The following RMDN2 variants were observed in gnomAD, a reference collection of about 807,000 sequenced individuals.
RMDN2 encodes regulator of microtubule dynamics 2.
A neutral mutation model predicts 52.8 loss-of-function variants in RMDN2; 61 were observed. The observed-to-expected ratio is 1.16, with a 90% confidence interval of 0.94 to 1.43. The LOEUF is 1.43. RMDN2 is among the 40% of genes most tolerant of loss of function. The pLI is 0.00. For synonymous variants in RMDN2, 180 were observed against 153.1 expected (o/e 1.18, Z -1.30); for missense variants, 592 against 475.3 (o/e 1.25, Z -2.28).
At position 37,950,633 on chromosome 2, in the gene RMDN2, A is replaced by G. The variant is rs201075329; in HGVS notation, c.452+20904A>G. ...AAAAAACTTCAACATGTGCTAAAAGAACATTGAAAATATTCATAAACGAAG... is the reference window on the plus strand; with the variant it reads ...AAAAAACTTCAACATGTGCTAAAAGGACATTGAAAATATTCATAAACGAAG... On this transcript the variant is annotated intron_variant, in intron 2 of 10. Transcript: ENST00000354545. 1.3e-4 allele frequency: 215 copies of G among 1,602,490 alleles called. No individual in the cohort carries two copies. The African/African-American group carries it at 2.6e-3, about 19-fold the overall frequency.
intron 4 of RMDN2, among the ~76,000 whole-genome samples, chr2:37,980,975 C>T (rs546488929): frequency 3.2e-4 from 48 of 152,156 alleles, no homozygotes; most frequent in Non-Finnish European, 5.6e-4. Context: ...ATTTCTATTA[C>T]GCTTTGTAAG....
At chr2:38,059,349 A>C (rs529120977) in intron 10 of RMDN2, among the ~76,000 whole-genome samples, 1 of 152,230 alleles carries the variant, frequency 6.6e-6, no homozygotes, top group African/African-American at 2.4e-5. Flanking sequence ...GGCAGTGATC[A>C]TACCATCAGA....
chr2:37,942,511 C>G (rs570752804), intron 2 of RMDN2, among the ~76,000 whole-genome samples: 76 of 152,240 alleles, frequency 5.0e-4, no homozygotes, highest in African/African-American at 1.8e-3. Context: ...CTAAATTATT[C>G]CTTAAAGTGT....
chr2:37,991,923 A>G (rs1407761034), intron 7 of RMDN2, among the ~76,000 whole-genome samples: 5 of 152,378 alleles, frequency 3.3e-5, no homozygotes, highest in African/African-American at 1.2e-4. Flanking sequence ...TCTTAAGAAT[A>G]TGTGAAAAAA....
Position 37,981,344 on chromosome 2 carries a change from G to A in RMDN2, c.791+1G>A, listed in dbSNP as rs759052924. ...CCATGAATGGACATTGTCATCTGTG[G>A]TAAGTGTATAGGATTTATGCAGTCT... On this transcript the variant is annotated splice_donor_variant, in intron 5 of 10. Transcript: ENST00000354545. LOFTEE classifies it high-confidence loss of function. 1.6e-5 allele frequency: 25 copies of A among 1,594,830 alleles called. No homozygotes were observed. The South Asian group carries it at 2.4e-4, about 15-fold the overall frequency.
chr2:37,993,899 A>G (rs1051464509), intron 7 of RMDN2, among the ~76,000 whole-genome samples: 1 of 152,212 alleles, frequency 6.6e-6, no homozygotes, highest in Non-Finnish European at 1.5e-5. Flanking sequence ...AAAGCCGTTT[A>G]CCCAACCTCA....
chr2:38,039,004 T>C (rs938838810), intron 10 of RMDN2, among the ~76,000 whole-genome samples: 3 of 147,070 alleles, frequency 2.0e-5, no homozygotes, highest in Non-Finnish European at 3.0e-5. Context: ...CAAGTGACAA[T>C]GAAAATAATA....
intron 2 of RMDN2, chr2:37,963,021 G>A (rs1407717995): frequency 6.5e-6 from 1 of 152,766 alleles, no homozygotes; most frequent in African/African-American, 2.4e-5. Flanking sequence ...CGCCCTATGT[G>A]GGCTGCACCC....
downstream of RMDN2, among the ~76,000 whole-genome samples, chr2:38,019,252 C>T (rs1553382018): frequency 1.3e-5 from 2 of 152,198 alleles, no homozygotes; most frequent in African/African-American, 2.4e-5. Context: ...CAGAGTGGTA[C>T]AAACACTTCC....
intron 2 of RMDN2, among the ~76,000 whole-genome samples, chr2:37,970,004 C>A (rs2125055927): frequency 6.6e-6 from 1 of 152,140 alleles, no homozygotes; most frequent in East Asian, 1.9e-4. Flanking sequence ...ACAATCATAG[C>A]TTACTGCAGC....
At chr2:37,942,347 C>G (rs1171110210) in intron 2 of RMDN2, among the ~76,000 whole-genome samples, 1 of 151,944 alleles carries the variant, frequency 6.6e-6, no homozygotes, top group Non-Finnish European at 1.5e-5. Context: ...TCTATTCGAC[C>G]ATCTTGCCTG....
At chr2:38,032,558 G>A (rs1036669496) in intron 10 of RMDN2, among the ~76,000 whole-genome samples, 1 of 152,162 alleles carries the variant, frequency 6.6e-6, no homozygotes, top group Non-Finnish European at 1.5e-5. Flanking sequence ...TTCACTTACA[G>A]GCTGGGCACA....
intron 2 of RMDN2, among the ~76,000 whole-genome samples, chr2:37,968,946 C>G (rs1671439934): frequency 6.6e-6 from 1 of 151,866 alleles, no homozygotes; most frequent in African/African-American, 2.4e-5. Flanking sequence ...TTAAAATTCT[C>G]TTTCAGAACT....
rs750912412 is a variant in RMDN2, at chr2:37,952,194, A to G, written c.453-21846A>G. On this transcript the variant is annotated intron_variant, in intron 2 of 10. Transcript: ENST00000354545. Reference sequence around the variant, plus strand: ...CAGATCTTCACCTATTGAAATTCCTAAAATAAGGTCACCTCAGACTTTACC... The same window carrying G: ...CAGATCTTCACCTATTGAAATTCCTGAAATAAGGTCACCTCAGACTTTACC... The G allele has an allele frequency of 2.5e-6, 4 of 1,612,982 alleles. No individual in the cohort carries two copies. The South Asian group carries it at 3.3e-5, about 13-fold the overall frequency.
At chr2:38,044,976 C>A (rs910175307) in intron 10 of RMDN2, among the ~76,000 whole-genome samples, 16 of 151,694 alleles carry the variant, frequency 1.1e-4, no homozygotes, top group Non-Finnish European at 2.1e-4. Context: ...GTAATATAGC[C>A]CCATGCATTC....
At chr2:38,039,473 C>T (rs111599988) in intron 10 of RMDN2, 1 of 152,188 alleles carries the variant, frequency 6.6e-6, no homozygotes, top group Non-Finnish European at 1.5e-5. Context: ...ATCTACAGCC[C>T]CCGCTTCTCT....
At chr2:38,049,938 G>A (rs560400313) in intron 10 of RMDN2, among the ~76,000 whole-genome samples, 7 of 152,168 alleles carry the variant, frequency 4.6e-5, no homozygotes, top group South Asian at 2.1e-4. Context: ...TTATTGTTAC[G>A]GCTAATTATT....
At chr2:37,952,186 A>C in intron 2 of RMDN2, 1 of 1,613,164 alleles carries the variant, frequency 6.2e-7, no homozygotes, top group Non-Finnish European at 8.5e-7. Context: ...TCACCTATTG[A>C]AATTCCTAAA....
At chr2:37,977,354 G>A (rs1341921704) in intron 4 of RMDN2, among the ~76,000 whole-genome samples, 1 of 152,200 alleles carries the variant, frequency 6.6e-6, no homozygotes. Context: ...GAGCTGTTGG[G>A]TACACCTCCC....
Sources: allele counts gnomAD v4.1 joint callset (sites outside exome capture counted in the v4.1 genomes callset), GRCh38; gene constraint gnomAD v4.1.1; transcripts MANE v1.5; gene names NCBI Gene and HGNC (gene_info 2026-07-23, HGNC 2026-07-21).